Variants in PPIH observed in about 807,000 individuals in gnomAD.
PPIH encodes peptidylprolyl isomerase H, also known as peptidyl-prolyl cis-trans isomerase H.
A neutral mutation model predicts 27.6 loss-of-function variants in PPIH; 16 were observed. The ratio of observed to expected loss-of-function variants is 0.58; its 90% CI spans 0.39 to 0.88. The LOEUF (loss-of-function observed/expected upper bound fraction) is 0.88, where lower values mean the gene tolerates loss of function less well. PPIH is among the 40% of genes least tolerant of loss of function. The pLI is 0.00. For missense variants in PPIH, 155 were observed against 224.1 expected (o/e 0.69, Z 1.97); for synonymous variants, 63 against 76.1 (o/e 0.83, Z 0.90).
chr1:42,677,867 T>C (rs367894726), downstream of PPIH, among the ~76,000 whole-genome samples: 1 of 152,246 alleles, frequency 6.6e-6, no homozygotes, highest in African/African-American at 2.4e-5. Flanking sequence ...GTTTCTTTCA[T>C]GAGGCACTTT....
intron 3 of PPIH, 124 bp downstream of exon 3, chr1:42,659,375 T>C (rs1266558585): frequency 1.2e-6 from 2 of 1,614,184 alleles, no homozygotes; most frequent in Admixed American, 1.7e-5. Flanking sequence ...TAGAAGGTAA[T>C]GCCCCAAGGG....
intron 5 of PPIH, 91 bp downstream of exon 5, chr1:42,660,995 T>C: frequency 8.2e-7 from 1 of 1,215,214 alleles, no homozygotes; most frequent in Admixed American, 1.8e-5. Context: ...AGACCCAGTC[T>C]TCAGGCTTGA....
intron 1 of PPIH, 64 bp downstream of exon 1, chr1:42,658,576 A>G (rs1648789719): frequency 1.9e-5 from 29 of 1,539,040 alleles, no homozygotes; most frequent in Non-Finnish European, 2.2e-5. Context: ...AGGCAGGCAG[A>G]ACTCACCCAG....
At chr1:42,674,018 C>A (rs966432600) in intron 9 of PPIH, among the ~76,000 whole-genome samples, 5 of 152,250 alleles carry the variant, frequency 3.3e-5, no homozygotes, top group African/African-American at 1.2e-4. Flanking sequence ...GTCCTCTATT[C>A]ATTCCACAAC....
chr1:42,670,995 C>T (rs977650150), intron 9 of PPIH, among the ~76,000 whole-genome samples: 2 of 152,078 alleles, frequency 1.3e-5, no homozygotes, highest in East Asian at 1.9e-4. Flanking sequence ...GGGGTTTCAT[C>T]GTGTTAGCCA....
chr1:42,664,530 A>G (rs1649223444), intron 5 of PPIH, among the ~76,000 whole-genome samples: 1 of 152,134 alleles, frequency 6.6e-6, no homozygotes, highest in African/African-American at 2.4e-5. Flanking sequence ...TGAAGGCATG[A>G]GAGTCTTCAG....
Position 42,660,851 on chromosome 1 carries a change from C to G in PPIH, c.201-11C>G, listed in dbSNP as rs1001762357. ...TAAAATCTTCTCAGTATTCTTTGCT[C>G]TCTGTTTCAGGGTCATAAAGGATTT... On this transcript the variant is annotated splice_polypyrimidine_tract_variant and intron_variant, in intron 4 of 9. Transcript: ENST00000304979. The G allele has an allele frequency of 1.9e-6, 3 of 1,593,626 alleles. No individual in the cohort carries two copies. The highest frequency in any genetic ancestry group is 1.7e-6 in the Non-Finnish European group (2 of 1,170,484).
chr1:42,659,195 G>C, intron 2 of PPIH, 33 bp from the exon 3 acceptor site: 6 of 1,613,960 alleles, frequency 3.7e-6, no homozygotes, highest in Non-Finnish European at 5.1e-6. Flanking sequence ...TGACATCATA[G>C]TGATTGAATC....
At chr1:42,665,722 C>T (rs773199865) in intron 6 of PPIH, among the ~76,000 whole-genome samples, 1 of 151,868 alleles carries the variant, frequency 6.6e-6, no homozygotes, top group African/African-American at 2.4e-5. Context: ...TGGTGACACA[C>T]ACCTGTAGTC....
chr1:42,666,442 A>G (rs1428519456), intron 7 of PPIH, 105 bp from the exon 8 acceptor site: 8 of 1,161,998 alleles, frequency 6.9e-6, no homozygotes, highest in South Asian at 1.3e-5. Flanking sequence ...TTAATTTCCT[A>G]AAGTTAGTAT....
intron 6 of PPIH, 105 bp from the exon 7 acceptor site, chr1:42,665,875 G>A (rs1273213770): frequency 1.1e-6 from 1 of 941,250 alleles, no homozygotes; most frequent in Non-Finnish European, 1.7e-6. Context: ...TAGATTTACT[G>A]AAAAAAACCA....
chr1:42,669,039 G>A (rs551255794), intron 9 of PPIH, among the ~76,000 whole-genome samples: 18 of 147,376 alleles, frequency 1.2e-4, no homozygotes, highest in Non-Finnish European at 2.5e-4. Context: ...GTGAGATCCC[G>A]TCTTTCCAAA....
intron 8 of PPIH, among the ~76,000 whole-genome samples, chr1:42,666,966 C>G (rs1422432692): frequency 6.6e-6 from 1 of 152,148 alleles, no homozygotes; most frequent in Non-Finnish European, 1.5e-5. Context: ...TGCCCCTGAG[C>G]CTTTGCTCAC....
At position 42,660,963 on chromosome 1, in the gene PPIH, G is replaced by A. The variant is rs1016509469; in HGVS notation, c.243+59G>A. 5 of 1,491,382 alleles carry A rather than the reference G, an allele frequency of 3.4e-6. No individual in the cohort carries two copies. The South Asian group carries it at 5.7e-5, about 17-fold the overall frequency. 92.4% of individuals were successfully genotyped at this position (1,491,382 alleles called of 1,614,324 possible). ...AGTTTTAGTTTTTGTTGTTATTGTT[G>A]CAATTGCTGTTTTTACTACAGAGAC... On this transcript the variant is annotated intron_variant, in intron 5 of 9. Transcript: ENST00000304979.
intron 7 of PPIH, 96 bp downstream of exon 7, chr1:42,666,163 C>T: frequency 1.3e-5 from 15 of 1,160,488 alleles, no homozygotes; most frequent in Middle Eastern, 2.4e-4. Flanking sequence ...GAAAGCTCAA[C>T]CTGTGTAACT....
At chr1:42,676,041 A>C (rs1224055580) in intron 9 of PPIH, among the ~76,000 whole-genome samples, 4 of 152,204 alleles carry the variant, frequency 2.6e-5, no homozygotes, top group Non-Finnish European at 5.9e-5. Flanking sequence ...GCTTGACCAT[A>C]AATGTTAGTT....
At chr1:42,663,445 G>A (rs572405898) in intron 5 of PPIH, among the ~76,000 whole-genome samples, 4 of 151,952 alleles carry the variant, frequency 2.6e-5, no homozygotes, top group Non-Finnish European at 5.9e-5. Context: ...CGCCCAGGCT[G>A]GGGTGCAGTG....
intron 9 of PPIH, among the ~76,000 whole-genome samples, chr1:42,668,730 A>G (rs1461126280): frequency 6.6e-6 from 1 of 151,424 alleles, no homozygotes; most frequent in Non-Finnish European, 1.5e-5. Flanking sequence ...CTGCAATTCC[A>G]CTCCCCTTTC....
At chr1:42,658,661 G>C in intron 1 of PPIH, 149 bp downstream of exon 1, 1 of 1,076,458 alleles carries the variant, frequency 9.3e-7, no homozygotes, top group Non-Finnish European at 1.4e-6. Flanking sequence ...CGGGGGGAAA[G>C]GAGGAGGAGG....
Sources: gnomAD v4.1 joint callset for allele counts (sites outside exome capture counted in the v4.1 genomes callset) on GRCh38, gnomAD v4.1.1 for gene constraint, MANE v1.5 for transcripts, NCBI Gene and HGNC (gene_info 2026-07-23, HGNC 2026-07-21) for gene names.